The following SYT16 variants were observed in gnomAD, a reference collection of about 807,000 sequenced individuals.
The protein encoded by SYT16 is synaptotagmin 16.
A neutral mutation model predicts 61.4 loss-of-function variants in SYT16; 42 were observed. That is an observed-to-expected ratio of 0.68 (90% confidence interval 0.53 to 0.89). SYT16 has a LOEUF of 0.89. Among genes scored for constraint, SYT16 ranks in the 40% least tolerant of loss-of-function variants. The pLI, the probability that SYT16 is intolerant of heterozygous loss-of-function variation, is 0.00. For missense variants in SYT16, 804 were observed against 807.3 expected, an observed-to-expected ratio of 1.00 and a Z score of 0.05; for synonymous variants, 314 against 302.3, an observed-to-expected ratio of 1.04 and a Z score of -0.40.
rs183539930 is a variant in SYT16, at chr14:62,098,592, A to T, written c.1625-1802A>T. Among the ~76,000 whole-genome samples, 118 of 152,308 alleles carry T rather than the reference A, an allele frequency of 7.7e-4. 1 individual carries two copies. Among genetic ancestry groups the T allele is most frequent in the Non-Finnish European group, 4.4e-5 (3 of 68,028 alleles). Reference sequence around the variant, plus strand: ...TTTAGCTTTATTGCACAAGTTTGAAAACTTGAGACTGAAAGAAAAAGTTGA... The same window carrying T: ...TTTAGCTTTATTGCACAAGTTTGAATACTTGAGACTGAAAGAAAAAGTTGA... On this transcript the variant is annotated intron_variant, in intron 7 of 7. Transcript: ENST00000683842.
chr14:62,053,768 C>G (rs2055414590), intron 3 of SYT16, among the ~76,000 whole-genome samples: 1 of 152,072 alleles, frequency 6.6e-6, no homozygotes, highest in African/African-American at 2.4e-5. Context: ...AGAAGGTAAA[C>G]TAAACTCTGT....
chr14:62,054,360 G>GTTGTGTTTTTTTTTTTTT (rs1411904235), intron 3 of SYT16, among the ~76,000 whole-genome samples: 2 of 118,298 alleles, frequency 1.7e-5, no homozygotes, highest in Admixed American at 1.8e-4. Context: ...AGTGAAGTGA[G>GTTGTGTTTTTTTTTTTTT]TTTTTTTTTT....
chr14:62,080,623 C>T (rs915542954), intron 5 of SYT16, among the ~76,000 whole-genome samples: 1 of 152,178 alleles, frequency 6.6e-6, no homozygotes, highest in Non-Finnish European at 1.5e-5. Flanking sequence ...AAAACATTCA[C>T]GAAGGCGCAC....
At chr14:61,906,309 GTCTT>G (rs1053672918) in intron 1 of SYT16, among the ~76,000 whole-genome samples, 25 of 152,282 alleles carry the variant, frequency 1.6e-4, no homozygotes, top group African/African-American at 6.0e-4. Context: ...TAGTAGCACA[GTCTT>G]TCTCTGTTAC....
chr14:61,898,733 T>C (rs1952178652), intron 1 of SYT16, among the ~76,000 whole-genome samples: 1 of 152,114 alleles, frequency 6.6e-6, no homozygotes, highest in Admixed American at 6.6e-5. Flanking sequence ...TGGAAAGATA[T>C]GACAGGGACG....
Position 62,075,309 on chromosome 14 carries a change from G to T in SYT16, c.911G>T (p.Ser304Ile). 3 of 1,613,898 alleles carry T rather than the reference G, an allele frequency of 1.9e-6. No individual in the cohort carries two copies. The highest frequency in any genetic ancestry group is 2.5e-6 in the Non-Finnish European group (3 of 1,179,860). The change falls in exon 5 of 8, where the codon AGC becomes ATC. Residue 304 changes from serine to isoleucine, a missense_variant. Transcript: ENST00000683842. ...CTCAGGCGCCAATCCACAGAGGGCA[G>T]CTTGGAGATGGAGACAGCTTTTAAT... ...QSLRRQSTEGSLEMETAFNSR... is the reference protein window; with the variant it reads ...QSLRRQSTEGILEMETAFNSR...
At chr14:61,993,188 T>C (rs1371543914) in intron 2 of SYT16, among the ~76,000 whole-genome samples, 1 of 150,496 alleles carries the variant, frequency 6.6e-6, no homozygotes, top group East Asian at 2.0e-4. Context: ...TCACATATGC[T>C]CACTCAAAAG....
chr14:61,891,950 C>T (rs1294558624), intron 1 of SYT16, among the ~76,000 whole-genome samples: 2 of 152,112 alleles, frequency 1.3e-5, no homozygotes, highest in African/African-American at 4.8e-5. Context: ...AATGGCAGGA[C>T]CCTAATTAAA....
intron 1 of SYT16, among the ~76,000 whole-genome samples, chr14:61,847,277 T>A (rs2046472795): frequency 6.6e-6 from 1 of 152,172 alleles, no homozygotes; most frequent in African/African-American, 2.4e-5. Flanking sequence ...TCTGGGAAAG[T>A]CTTTATTTTT....
intron 1 of SYT16, chr14:61,865,407 G>T: frequency 1.6e-6 from 1 of 613,880 alleles, no homozygotes; most frequent in South Asian, 1.4e-5. Context: ...TTTACAAACT[G>T]GGAAATGAAT....
At chr14:62,087,511 T>G (rs1365474456) in intron 7 of SYT16, among the ~76,000 whole-genome samples, 1 of 152,204 alleles carries the variant, frequency 6.6e-6, no homozygotes, top group Non-Finnish European at 1.5e-5. Flanking sequence ...AAAGAATGGT[T>G]CTTAGGGAAG....
chr14:62,028,128 A>C (rs987022669), intron 3 of SYT16, among the ~76,000 whole-genome samples: 1 of 152,100 alleles, frequency 6.6e-6, no homozygotes, highest in Non-Finnish European at 1.5e-5. Context: ...GAATTTGCTC[A>C]GTTGTGTTAT....
At chr14:61,866,143 T>A (rs1013222604) in intron 1 of SYT16, among the ~76,000 whole-genome samples, 1 of 151,976 alleles carries the variant, frequency 6.6e-6, no homozygotes, top group African/African-American at 2.4e-5. Context: ...AAACCACCTT[T>A]GTAGTCTGAA....
At chr14:61,861,231 C>T (rs1458214775) in intron 1 of SYT16, among the ~76,000 whole-genome samples, 1 of 152,118 alleles carries the variant, frequency 6.6e-6, no homozygotes, top group African/African-American at 2.4e-5. Flanking sequence ...CATTCTATTT[C>T]TTTATGGGCA....
At chr14:62,003,730 A>G (rs992536810) in intron 3 of SYT16, among the ~76,000 whole-genome samples, 4 of 152,122 alleles carry the variant, frequency 2.6e-5, no homozygotes, top group Non-Finnish European at 5.9e-5. Context: ...CTGAGGGATA[A>G]TTGTGTAAAG....
At chr14:62,054,461 A>G (rs1367213421) in intron 3 of SYT16, among the ~76,000 whole-genome samples, 1 of 151,592 alleles carries the variant, frequency 6.6e-6, no homozygotes, top group Non-Finnish European at 1.5e-5. Context: ...CCCAGGCTCA[A>G]GCAATCCTCC....
At chr14:61,933,367 A>T (rs2049852464) in intron 1 of SYT16, among the ~76,000 whole-genome samples, 2 of 152,222 alleles carry the variant, frequency 1.3e-5, no homozygotes, top group African/African-American at 2.4e-5. Flanking sequence ...AAATAAAATC[A>T]GTGAAAGTTG....
chr14:61,846,682 A>G (rs2046454910), intron 1 of SYT16, among the ~76,000 whole-genome samples: 1 of 151,390 alleles, frequency 6.6e-6, no homozygotes, highest in Admixed American at 6.6e-5. Flanking sequence ...TTAAGAACTT[A>G]CTCCTGCCAT....
chr14:61,947,162 C>G (rs150605062), intron 1 of SYT16, among the ~76,000 whole-genome samples: 3 of 151,932 alleles, frequency 2.0e-5, no homozygotes, highest in Non-Finnish European at 4.4e-5. Flanking sequence ...AATGGTAAAG[C>G]CAGTACCGTC....
Sources: allele counts gnomAD v4.1 joint callset (sites outside exome capture counted in the v4.1 genomes callset), GRCh38; gene constraint gnomAD v4.1.1; transcripts MANE v1.5; gene names NCBI Gene and HGNC (gene_info 2026-07-23, HGNC 2026-07-21).